The following PIK3C2G variants were observed in gnomAD, a reference collection of about 807,000 sequenced individuals.
PIK3C2G encodes the protein phosphatidylinositol 3-kinase C2 domain-containing subunit gamma.
PIK3C2G carries 168 observed loss-of-function variants against 181.1 expected under a neutral mutation model. The ratio of observed to expected loss-of-function variants is 0.93; its 90% confidence interval spans 0.82 to 1.05. The LOEUF is 1.05. Ranked by LOEUF, PIK3C2G falls within the 50% of genes least tolerant of loss-of-function variation. The pLI is 0.00. For synonymous variants in PIK3C2G, 573 were observed against 592.2 expected, an observed-to-expected ratio of 0.97 and a Z score of 0.47; for missense variants, 1,869 against 1,732.8, an observed-to-expected ratio of 1.08 and a Z score of -1.40.
At chr12:18,256,388 T>G (rs553021261) in intron 1 of PIK3C2G, among the ~76,000 whole-genome samples, 2 of 152,236 alleles carry the variant, frequency 1.3e-5, no homozygotes, top group South Asian at 4.1e-4. Flanking sequence ...TATTTACTGG[T>G]TTCTTTGCTT....
intron 31 of PIK3C2G, among the ~76,000 whole-genome samples, chr12:18,621,504 C>T (rs1044929156): frequency 3.3e-5 from 5 of 151,546 alleles, no homozygotes; most frequent in Admixed American, 2.0e-4. Context: ...TTGATAACTT[C>T]GTCAAGTCAA....
intron 26 of PIK3C2G, among the ~76,000 whole-genome samples, chr12:18,554,683 T>TA (rs1449508137): frequency 6.6e-6 from 1 of 152,094 alleles, no homozygotes; most frequent in African/African-American, 2.4e-5. Flanking sequence ...CTTAGTGCAG[T>TA]ATGAATTTGT....
intron 12 of PIK3C2G, among the ~76,000 whole-genome samples, chr12:18,368,328 A>G (rs1941790500): frequency 6.6e-6 from 1 of 152,236 alleles, no homozygotes; most frequent in African/African-American, 2.4e-5. Context: ...TGTGTTATAG[A>G]ATAGCAGTTC....
At chr12:18,364,375 T>A (rs184382392) in intron 12 of PIK3C2G, among the ~76,000 whole-genome samples, 21 of 152,324 alleles carry the variant, frequency 1.4e-4, no homozygotes, top group Admixed American at 7.2e-4. Context: ...CCTTCCTGTA[T>A]CATTGGGCAA....
chr12:18,708,496 G>T, the PIK3C2G span, among the ~76,000 whole-genome samples: 1 of 152,128 alleles, frequency 6.6e-6, no homozygotes, highest in East Asian at 1.9e-4. Context: ...TTATGAGATG[G>T]TTATTTAATT....
chr12:18,542,012 G>A (rs1430091868), intron 25 of PIK3C2G, among the ~76,000 whole-genome samples: 1 of 151,870 alleles, frequency 6.6e-6, no homozygotes, highest in Non-Finnish European at 1.5e-5. Context: ...CAGCTAGTGT[G>A]TGACATGTGT....
chr12:18,286,940 G>GCC lies in PIK3C2G; in HGVS notation c.761+11_761+12insCC. On this transcript the variant is annotated intron_variant, in intron 3 of 32. Transcript: ENST00000538779. ...CAACAAAGTAAAAAAGTGAGTACTG[G>GCC]TATTTCATTAAACTTTGAAATTTTT... 6.9e-7 allele frequency: 1 copy of GCC among 1,456,752 alleles called. No individual in the cohort carries two copies. Among genetic ancestry groups the GCC allele is most frequent in the Non-Finnish European group, 9.3e-7 (1 of 1,074,342 alleles). The allele number at this position is 1,456,752 out of a possible 1,614,324, so 90.2% of individuals were successfully genotyped here. A position where few individuals can be genotyped will look rare whatever the true frequency, so the allele number is the denominator to read the frequency against.
chr12:18,248,372 AC>A (rs1321938214), intron 1 of PIK3C2G, among the ~76,000 whole-genome samples: 1 of 152,090 alleles, frequency 6.6e-6, no homozygotes, highest in Admixed American at 6.5e-5. Flanking sequence ...GGAGATCGAG[AC>A]CATCCTAGCT....
chr12:18,555,545 AGT>A (rs1944962778), intron 26 of PIK3C2G, among the ~76,000 whole-genome samples: 1 of 152,142 alleles, frequency 6.6e-6, no homozygotes, highest in Non-Finnish European at 1.5e-5. Flanking sequence ...TTGTATAAAA[AGT>A]GCATGTATTA....
chr12:18,417,707 G>GTAA (rs1945257360), intron 16 of PIK3C2G, among the ~76,000 whole-genome samples: 1 of 151,562 alleles, frequency 6.6e-6, no homozygotes. Context: ...TACACATTTA[G>GTAA]TAGACTACAG....
intron 16 of PIK3C2G, among the ~76,000 whole-genome samples, chr12:18,409,989 C>T (rs1182118121): frequency 6.6e-6 from 1 of 152,074 alleles, no homozygotes; most frequent in East Asian, 1.9e-4. Context: ...ACTAGAACAG[C>T]ACTAAAGGGG....
At chr12:18,720,491 C>G in the PIK3C2G span, among the ~76,000 whole-genome samples, 6 of 151,168 alleles carry the variant, frequency 4.0e-5, no homozygotes, top group Non-Finnish European at 1.5e-5. Context: ...AAGACTGGCT[C>G]TGGAAACAGC....
intron 26 of PIK3C2G, among the ~76,000 whole-genome samples, chr12:18,559,320 C>T (rs1450183321): frequency 2.0e-5 from 3 of 152,042 alleles, no homozygotes; most frequent in Non-Finnish European, 4.4e-5. Context: ...ACAAGGTATA[C>T]CCTAAGAACC....
At chr12:18,344,195 TC>T (rs1234132614) in intron 10 of PIK3C2G, among the ~76,000 whole-genome samples, 1 of 152,090 alleles carries the variant, frequency 6.6e-6, no homozygotes, top group East Asian at 1.9e-4. Context: ...CCTCAGATGT[TC>T]AACTAACCCC....
At chr12:18,669,990 A>G in the PIK3C2G span, among the ~76,000 whole-genome samples, 1 of 152,058 alleles carries the variant, frequency 6.6e-6, no homozygotes, top group Non-Finnish European at 1.5e-5. Flanking sequence ...TTATAAGGGC[A>G]TTAATCCTAT....
At position 18,640,733 on chromosome 12, in the gene PIK3C2G, A is replaced by G. The variant is rs76190756; in HGVS notation, c.4308+179A>G. Among the ~76,000 whole-genome samples, 624 of 152,332 alleles carry G rather than the reference A, an allele frequency of 4.1e-3. 4 individuals are homozygous for G. Among genetic ancestry groups the G allele is most frequent in the African/African-American group, 0.014 (599 of 41,582 alleles). The stretch of plus-strand genomic sequence containing the variant: ...CTAGATGCTATGGGCACTGGAAAAT[A>G]CAGATACTGCTTTCAAAGCTCTTAT... On this transcript the variant is annotated intron_variant, in intron 32 of 32. Transcript: ENST00000538779.
chr12:18,607,699 G>A (rs1441431383), intron 30 of PIK3C2G, among the ~76,000 whole-genome samples: 1 of 152,112 alleles, frequency 6.6e-6, no homozygotes, highest in East Asian at 1.9e-4. Context: ...ATTGGCAAAT[G>A]GGATCTAATT....
chr12:18,379,764 C>T (rs562207414), intron 13 of PIK3C2G, among the ~76,000 whole-genome samples: 1 of 152,182 alleles, frequency 6.6e-6, no homozygotes, highest in African/African-American at 2.4e-5. Flanking sequence ...GTGACTCAGG[C>T]TCTCACAGGC....
At chr12:18,375,420 A>C (rs998651898) in intron 13 of PIK3C2G, among the ~76,000 whole-genome samples, 1 of 152,230 alleles carries the variant, frequency 6.6e-6, no homozygotes, top group Non-Finnish European at 1.5e-5. Context: ...CTAAGCAGCA[A>C]AGCATCCAAG....
Sources: allele counts gnomAD v4.1 joint callset (sites outside exome capture counted in the v4.1 genomes callset), GRCh38; gene constraint gnomAD v4.1.1; transcripts MANE v1.5; gene names NCBI Gene and HGNC (gene_info 2026-07-23, HGNC 2026-07-21).